Variants in OR3A2 observed in about 807,000 individuals in gnomAD.
OR3A2 encodes the protein olfactory receptor family 3 subfamily A member 2, also known as olfactory receptor 3A2.
For missense variants in OR3A2, 318 were observed against 392.8 expected, an observed-to-expected ratio of 0.81 and a Z score of 1.61; for synonymous variants, 126 against 159.3, an observed-to-expected ratio of 0.79 and a Z score of 1.57.
intron 3 of OR3A2, among the ~76,000 whole-genome samples, chr17:3,319,225 T>C (rs1022624708): frequency 2.0e-5 from 3 of 152,204 alleles, no homozygotes; most frequent in African/African-American, 7.2e-5. Flanking sequence ...TTCAGTGTAT[T>C]CCATATTGTT....
At chr17:3,332,238 C>T (rs1310939224) in intron 3 of OR3A2, among the ~76,000 whole-genome samples, 1 of 152,242 alleles carries the variant, frequency 6.6e-6, no homozygotes, top group African/African-American at 2.4e-5. Context: ...GTGGGCTCCA[C>T]CCAGTTCGAG....
chr17:3,358,865 T>C (rs1366704127), intron 2 of OR3A2, among the ~76,000 whole-genome samples: 2 of 151,732 alleles, frequency 1.3e-5, no homozygotes, highest in African/African-American at 4.9e-5. Context: ...ATCTGTCTAA[T>C]ACTGTCAGTG....
At chr17:3,314,863 T>G (rs1248150253) in intron 3 of OR3A2, among the ~76,000 whole-genome samples, 1 of 152,176 alleles carries the variant, frequency 6.6e-6, no homozygotes, top group Non-Finnish European at 1.5e-5. Flanking sequence ...TTTTTAGTAG[T>G]TCACAGTGTC....
Sources: allele counts gnomAD v4.1 joint callset (sites outside exome capture counted in the v4.1 genomes callset), GRCh38; gene constraint gnomAD v4.1.1; transcripts MANE v1.5; gene names NCBI Gene and HGNC (gene_info 2026-07-23, HGNC 2026-07-21).